The following CRIM1 variants were observed in gnomAD, a reference collection of about 807,000 sequenced individuals.
The protein encoded by CRIM1 is cysteine rich transmembrane BMP regulator 1, also known as cysteine-rich motor neuron 1 protein.
A neutral mutation model predicts 116.4 loss-of-function variants in CRIM1; 32 were observed. The ratio of observed to expected loss-of-function variants is 0.27; its 90% confidence interval spans 0.21 to 0.37. CRIM1 has a LOEUF of 0.37. Among genes scored for constraint, CRIM1 ranks in the 10% least tolerant of loss-of-function variants. The pLI, the probability that CRIM1 is intolerant of heterozygous loss-of-function variation, is 1.00. For missense variants in CRIM1, 1,331 were observed against 1,354.8 expected, an observed-to-expected ratio of 0.98 and a Z score of 0.28; for synonymous variants, 590 against 509.2, an observed-to-expected ratio of 1.16 and a Z score of -2.13.
chr2:36,488,659 A>G (rs891474180), intron 7 of CRIM1, among the ~76,000 whole-genome samples: 3 of 152,198 alleles, frequency 2.0e-5, no homozygotes, highest in Non-Finnish European at 4.4e-5. Context: ...ACCTGTTTAC[A>G]CCTCAGTGGA....
chr2:36,356,386 A>T lies in CRIM1; in HGVS notation c.94A>T (p.Thr32Ser). Reference sequence around the variant, plus strand: ...GCTGCTGCTGCTGGCGCGCTCCGGCACCCGGGCGCTGGTCTGCCTGCCCTG... The same window carrying T: ...GCTGCTGCTGCTGGCGCGCTCCGGCTCCCGGGCGCTGGTCTGCCTGCCCTG... ...GLLLLLARSG[T>S]RALVCLPCDE... is the part of the protein sequence containing the mutation. Residue 32 changes from threonine to serine, a missense_variant, in exon 1 of 17, where the codon ACC (threonine) becomes TCC (serine). This residue lies in a region of CRIM1 where 690 missense variants were observed against 676.0 expected (regional missense o/e 1.02). Coordinates refer to ENST00000280527, the MANE Select transcript of CRIM1 (RefSeq NM_016441.3). The surrounding 1 kb of genome is among the most constrained non-coding windows in gnomAD (Gnocchi z 4.3). The T allele has an allele frequency of 6.3e-7, 1 of 1,599,044 alleles. No individual in the cohort carries two copies. The highest frequency in any genetic ancestry group is 8.5e-7 in the Non-Finnish European group (1 of 1,174,918).
At chr2:36,393,979 A>T (rs907002076) in intron 1 of CRIM1, among the ~76,000 whole-genome samples, 1 of 152,158 alleles carries the variant, frequency 6.6e-6, no homozygotes, top group Non-Finnish European at 1.5e-5. Context: ...AGGAAGATGG[A>T]TCTGGGGACA....
chr2:36,495,900 G>A (rs1054115724), intron 7 of CRIM1, among the ~76,000 whole-genome samples: 5 of 152,050 alleles, frequency 3.3e-5, no homozygotes, highest in African/African-American at 1.2e-4. Context: ...TATACTTACC[G>A]GTCATATTTT....
At chr2:36,450,097 T>C (rs1473517081) in intron 4 of CRIM1, among the ~76,000 whole-genome samples, 1 of 152,112 alleles carries the variant, frequency 6.6e-6, no homozygotes, top group Non-Finnish European at 1.5e-5. Context: ...AAGCAGAGAA[T>C]ATCTGGCCAA....
intron 4 of CRIM1, among the ~76,000 whole-genome samples, chr2:36,447,836 G>A (rs765173124): frequency 7.2e-5 from 11 of 152,178 alleles, no homozygotes; most frequent in Non-Finnish European, 1.3e-4. Context: ...ATTTGGTGGT[G>A]TGTTTCAGAA....
intron 12 of CRIM1, among the ~76,000 whole-genome samples, chr2:36,520,728 A>T (rs558420558): frequency 5.9e-5 from 9 of 152,296 alleles, no homozygotes; most frequent in Non-Finnish European, 8.8e-5. Flanking sequence ...ACAATGAAGT[A>T]ACTGCCTTGG....
At chr2:36,443,156 A>G (rs951375351) in intron 4 of CRIM1, among the ~76,000 whole-genome samples, 1 of 152,208 alleles carries the variant, frequency 6.6e-6, no homozygotes, top group Non-Finnish European at 1.5e-5. Context: ...TTGGAATCAC[A>G]CATCTACCCA....
chr2:36,388,987 C>T (rs1191000776), intron 1 of CRIM1, among the ~76,000 whole-genome samples: 1 of 152,170 alleles, frequency 6.6e-6, no homozygotes, highest in Non-Finnish European at 1.5e-5. Flanking sequence ...TAGACATTTA[C>T]ATCAGTTTAA....
intron 1 of CRIM1, among the ~76,000 whole-genome samples, chr2:36,367,200 TC>T (rs1669656815): frequency 6.6e-6 from 1 of 152,186 alleles, no homozygotes; most frequent in Non-Finnish European, 1.5e-5. Flanking sequence ...ACCACTGAGT[TC>T]CTATATTTCA....
chr2:36,390,681 A>G (rs1426026442), intron 1 of CRIM1, among the ~76,000 whole-genome samples: 1 of 152,086 alleles, frequency 6.6e-6, no homozygotes. Flanking sequence ...TACAGAGGAC[A>G]TTTTAACCAC....
At chr2:36,515,872 G>T (rs1486068983) in intron 11 of CRIM1, among the ~76,000 whole-genome samples, 1 of 152,184 alleles carries the variant, frequency 6.6e-6, no homozygotes, top group Non-Finnish European at 1.5e-5. Context: ...GGAGGCTTTT[G>T]CTATATTCAT....
intron 4 of CRIM1, among the ~76,000 whole-genome samples, chr2:36,462,821 A>G (rs775634802): frequency 2.0e-5 from 3 of 152,236 alleles, no homozygotes; most frequent in Non-Finnish European, 4.4e-5. Context: ...TGTTACTGTT[A>G]TATCACAGCA....
intron 7 of CRIM1, among the ~76,000 whole-genome samples, chr2:36,488,185 GTATC>G (rs968760891): frequency 6.6e-6 from 1 of 152,126 alleles, no homozygotes; most frequent in Non-Finnish European, 1.5e-5. Context: ...TTTCTGTGTT[GTATC>G]TATCTGATTA....
At chr2:36,513,902 A>C (rs1664864428) in intron 11 of CRIM1, 137 bp downstream of exon 11, 1 of 692,404 alleles carries the variant, frequency 1.4e-6, no homozygotes, top group Non-Finnish European at 2.5e-6. Flanking sequence ...GGTTTTTGTC[A>C]ACCACCACCA....
chr2:36,539,278 T>C (rs115318790), intron 14 of CRIM1, among the ~76,000 whole-genome samples: 2,225 of 152,246 alleles, frequency 0.015, 32 homozygotes, highest in Middle Eastern at 0.061. Context: ...CCTCTGGGTA[T>C]AGCCAGCGCC....
rs79862191 is a variant in CRIM1, at chr2:36,541,549, T to A, written c.2624-2827T>A. Among the ~76,000 whole-genome samples the A allele has an allele frequency of 4.5e-3, 692 of 152,280 alleles. 5 individuals are homozygous for A. The highest frequency in any genetic ancestry group is 7.6e-3 in the Non-Finnish European group (514 of 68,014). ...CAGGTTCCATCTCCCAAAAAAATGC[T>A]GACCTCAGCTTGTAAGCACCAAGCA... is the stretch of plus-strand genomic sequence containing the variant. On this transcript the variant is annotated intron_variant, in intron 14 of 16. Coordinates refer to ENST00000280527, the MANE Select transcript of CRIM1 (RefSeq NM_016441.3).
intron 8 of CRIM1, among the ~76,000 whole-genome samples, chr2:36,500,092 T>C (rs1680880660): frequency 6.6e-6 from 1 of 152,062 alleles, no homozygotes; most frequent in Admixed American, 6.6e-5. Flanking sequence ...TCTGGGAGGC[T>C]AAGGCAGGCA....
chr2:36,545,889 CT>C (rs1173486944), intron 15 of CRIM1, among the ~76,000 whole-genome samples: 1 of 152,048 alleles, frequency 6.6e-6, no homozygotes, highest in Non-Finnish European at 1.5e-5. Flanking sequence ...TAAAATGTTA[CT>C]CTTTGACATT....
chr2:36,465,824 T>C (rs1471670153), intron 5 of CRIM1, among the ~76,000 whole-genome samples: 1 of 152,194 alleles, frequency 6.6e-6, no homozygotes, highest in Non-Finnish European at 1.5e-5. Flanking sequence ...TAACAGTAAA[T>C]TAAACAAGGT....
Sources: allele counts gnomAD v4.1 joint callset (sites outside exome capture counted in the v4.1 genomes callset), GRCh38; gene constraint gnomAD v4.1.1; regional missense constraint gnomAD v4.1.1; non-coding constraint Gnocchi (gnomAD v3.1); transcripts MANE v1.5; gene names NCBI Gene and HGNC (gene_info 2026-07-23, HGNC 2026-07-21).